The following TENM3 variants were observed in gnomAD, a reference collection of about 807,000 sequenced individuals.
The protein encoded by TENM3 is teneurin-3.
Under a neutral mutation model 255.1 loss-of-function variants are expected in TENM3, and 63 were observed. That is an observed-to-expected ratio of 0.25 (90% confidence interval 0.20 to 0.30). The LOEUF is 0.30. TENM3 is among the 10% of genes least tolerant of loss of function. The pLI, the probability that TENM3 is intolerant of heterozygous loss-of-function variation, is 1.00. For synonymous variants in TENM3, 1,306 were observed against 1,322.3 expected (o/e 0.99, Z 0.27); for missense variants, 2,929 against 3,461.1 (o/e 0.85, Z 3.86).
At chr4:181,758,273 G>A in the TENM3 span, among the ~76,000 whole-genome samples, 1 of 152,206 alleles carries the variant, frequency 6.6e-6, no homozygotes, top group Non-Finnish European at 1.5e-5. Flanking sequence ...AGAAGCATGA[G>A]GACAGTTAAA....
chr4:182,365,914 G>T (rs117892982), intron 3 of TENM3, among the ~76,000 whole-genome samples: 3 of 152,106 alleles, frequency 2.0e-5, no homozygotes, highest in Admixed American at 6.5e-5. Flanking sequence ...ACAGAATACC[G>T]CAGGCATTCA....
the TENM3 span, among the ~76,000 whole-genome samples, chr4:181,588,476 C>A: frequency 3.9e-5 from 6 of 152,124 alleles, no homozygotes; most frequent in Non-Finnish European, 5.9e-5. Context: ...GTCATTATCA[C>A]CCCGAATCTA....
chr4:181,708,393 A>G, the TENM3 span, among the ~76,000 whole-genome samples: 1 of 152,216 alleles, frequency 6.6e-6, no homozygotes, highest in African/African-American at 2.4e-5. Flanking sequence ...CTTTAGAAGT[A>G]CATATAAATT....
rs150196090 is a variant in TENM3, at chr4:182,340,266, A to G, written c.233-6385A>G. ...CAGCCTGGAATTTCCATTGAAAGCT[A>G]CATTTGTGATGATTGCCGAGGGGAT... On this transcript the variant is annotated intron_variant, in intron 2 of 27. Coordinates refer to ENST00000511685, the MANE Select transcript of TENM3 (RefSeq NM_001080477.4). 2.3e-4 allele frequency among the ~76,000 whole-genome samples: 35 copies of G among 152,290 alleles called. No individual in the cohort carries two copies. The East Asian group carries it at 5.8e-3, about 25-fold the overall frequency.
Position 182,304,105 on chromosome 4 carries a change from T to C in TENM3, c.-75-19841T>C, listed in dbSNP as rs191697311. On this transcript the variant is annotated intron_variant, in intron 1 of 27. Coordinates refer to ENST00000511685, the MANE Select transcript of TENM3 (RefSeq NM_001080477.4). Reference sequence around the variant, plus strand: ...AATTTAAAATAGACTATGAAGACTATAGGGGATTGGCAAGTAAAAAAAAAA... The same window carrying C: ...AATTTAAAATAGACTATGAAGACTACAGGGGATTGGCAAGTAAAAAAAAAA... Among the ~76,000 whole-genome samples, 12 of 151,604 alleles carry C rather than the reference T, an allele frequency of 7.9e-5. No homozygotes were observed. The East Asian group carries it at 2.3e-3, about 29-fold the overall frequency.
intron 12 of TENM3, among the ~76,000 whole-genome samples, chr4:182,690,537 C>G (rs1198361554): frequency 1.3e-5 from 2 of 152,142 alleles, no homozygotes; most frequent in Non-Finnish European, 1.5e-5. Context: ...CCCGATACAT[C>G]AGAAGAAATG....
chr4:181,544,801 G>T, the TENM3 span, among the ~76,000 whole-genome samples: 2 of 152,156 alleles, frequency 1.3e-5, no homozygotes, highest in Non-Finnish European at 2.9e-5. Context: ...GAGAAAAAAT[G>T]ATTTCTAAGA....
the TENM3 span, among the ~76,000 whole-genome samples, chr4:181,911,105 A>T: frequency 6.6e-6 from 1 of 152,188 alleles, no homozygotes; most frequent in East Asian, 1.9e-4. Context: ...AACCCTCTCA[A>T]AATCACTGCC....
At chr4:182,025,020 A>ATTTTTTTTTTTTTTTTTTTTTT in the TENM3 span, among the ~76,000 whole-genome samples, 7 of 121,116 alleles carry the variant, frequency 5.8e-5, 1 homozygote, top group African/African-American at 2.4e-4. Flanking sequence ...ACAGGATTTC[A>ATTTTTTTTTTTTTTTTTTTTTT]TTTTTTTTTT....
intron 12 of TENM3, among the ~76,000 whole-genome samples, chr4:182,693,526 A>G (rs1461741146): frequency 2.0e-5 from 3 of 151,952 alleles, no homozygotes; most frequent in African/African-American, 4.8e-5. Context: ...TTTAGTAGAG[A>G]TGGGGTTTCA....
At chr4:181,888,532 A>ATATATATATATATGTGTGTGTG in the TENM3 span, among the ~76,000 whole-genome samples, 1 of 78,750 alleles carries the variant, frequency 1.3e-5, no homozygotes, top group African/African-American at 4.6e-5. Flanking sequence ...ATATACATAT[A>ATATATATATATATGTGTGTGTG]TGTGTATATA....
chr4:181,553,322 A>ATC, the TENM3 span, among the ~76,000 whole-genome samples: 1 of 89,702 alleles, frequency 1.1e-5, no homozygotes, highest in South Asian at 2.8e-4. Context: ...GTGTATGCGT[A>ATC]TATATATATA....
At chr4:181,907,510 CA>C in the TENM3 span, among the ~76,000 whole-genome samples, 1 of 152,166 alleles carries the variant, frequency 6.6e-6, no homozygotes, top group Non-Finnish European at 1.5e-5. Context: ...AGAGGCATGT[CA>C]GCCCACAGAC....
the TENM3 span, among the ~76,000 whole-genome samples, chr4:181,765,366 T>C: frequency 6.6e-6 from 1 of 152,192 alleles, no homozygotes; most frequent in Admixed American, 6.5e-5. Context: ...TATTTCTTAC[T>C]TCATAAAAAT....
the TENM3 span, among the ~76,000 whole-genome samples, chr4:182,094,914 A>G: frequency 1.3e-5 from 2 of 151,486 alleles, no homozygotes; most frequent in African/African-American, 2.4e-5. Context: ...TAAACACAAT[A>G]GATAATGTCT....
chr4:181,470,392 T>G, the TENM3 span, among the ~76,000 whole-genome samples: 1 of 152,312 alleles, frequency 6.6e-6, no homozygotes, highest in African/African-American at 2.4e-5. Context: ...TTTTACACTA[T>G]GTGCTTGATG....
At chr4:182,067,820 G>A in the TENM3 span, among the ~76,000 whole-genome samples, 1 of 152,104 alleles carries the variant, frequency 6.6e-6, no homozygotes. Context: ...TTTTAATTAT[G>A]TTGAAAAAGT....
At chr4:182,386,873 G>A (rs900434702) in intron 3 of TENM3, among the ~76,000 whole-genome samples, 2 of 152,226 alleles carry the variant, frequency 1.3e-5, no homozygotes, top group South Asian at 2.1e-4. Flanking sequence ...CCTCCCCGAC[G>A]AATGCCGCCC....
intron 3 of TENM3, among the ~76,000 whole-genome samples, chr4:182,520,850 A>G (rs1738493690): frequency 6.6e-6 from 1 of 152,192 alleles, no homozygotes; most frequent in African/African-American, 2.4e-5. Flanking sequence ...CTCATGGGCC[A>G]TAGTTCTAAT....
Sources: gnomAD v4.1 joint callset for allele counts (sites outside exome capture counted in the v4.1 genomes callset) on GRCh38, gnomAD v4.1.1 for gene constraint, MANE v1.5 for transcripts, NCBI Gene and HGNC (gene_info 2026-07-23, HGNC 2026-07-21) for gene names.